Variants in RFC2 observed in about 807,000 individuals in gnomAD.
RFC2 encodes replication factor C subunit 2.
In RFC2, 34 loss-of-function variants were observed where a neutral mutation model predicts 44.8. That is an observed-to-expected ratio of 0.76 (90% CI 0.58 to 1.01). The LOEUF (loss-of-function observed/expected upper bound fraction) is 1.01. Among genes scored for constraint, RFC2 ranks in the 50% least tolerant of loss-of-function variants. RFC2 has a pLI of 0.00. For synonymous variants in RFC2, 177 were observed against 168.9 expected (o/e 1.05, Z -0.37); for missense variants, 400 against 453.6 (o/e 0.88, Z 1.07).
chr7:74,241,686 G>A (rs112908816), intron 6 of RFC2, among the ~76,000 whole-genome samples: 5 of 152,172 alleles, frequency 3.3e-5, no homozygotes, highest in South Asian at 2.1e-4. Context: ...TGGGCCAGCC[G>A]TGGTGGCTCA....
At chr7:74,240,122 G>A (rs1303050507) in intron 6 of RFC2, 27 bp from the exon 7 acceptor site, 4 of 1,604,938 alleles carry the variant, frequency 2.5e-6, no homozygotes, top group Non-Finnish European at 3.4e-6. Context: ...CAGTAGTGAG[G>A]CTTCCCTGCA....
intron 1 of RFC2, 86 bp downstream of exon 1, chr7:74,254,185 G>T: frequency 9.9e-7 from 1 of 1,005,786 alleles, no homozygotes; most frequent in Non-Finnish European, 1.5e-6. Context: ...ACGAGCCCCT[G>T]ACCCCCGAGT....
intron 7 of RFC2, among the ~76,000 whole-genome samples, chr7:74,239,339 C>CT (rs1209649654): frequency 9.7e-5 from 14 of 145,038 alleles, no homozygotes; most frequent in Admixed American, 2.8e-4. Context: ...CCATGCCCAG[C>CT]TTTTTTTTTT....
Position 74,246,840 on chromosome 7 carries a change from G to A in RFC2, c.333-77C>T, listed in dbSNP as rs139217366. On this transcript the variant is annotated intron_variant, in intron 4 of 10. Transcript: ENST00000055077. ...CTTCACAAGGACTTTTAAACAATCG[G>A]TATATCAGGGACTGTGAGGCCCAAT... 407 of 933,738 alleles carry A rather than the reference G, an allele frequency of 4.4e-4. 2 individuals carry two copies. In the African/African-American group the frequency reaches 6.2e-3, roughly 14 times the overall value. 57.8% of individuals were successfully genotyped at this position (933,738 alleles called of 1,614,324 possible).
At chr7:74,246,957 G>T (rs1026055661) in intron 4 of RFC2, among the ~76,000 whole-genome samples, 194 bp from the exon 5 acceptor site, 2 of 150,324 alleles carry the variant, frequency 1.3e-5, no homozygotes, top group Non-Finnish European at 3.0e-5. Flanking sequence ...GTCTTTCAAA[G>T]AACAAAGAAA....
chr7:74,244,076 C>T (rs930738440), intron 5 of RFC2, among the ~76,000 whole-genome samples: 1 of 137,248 alleles, frequency 7.3e-6, no homozygotes, highest in Non-Finnish European at 1.5e-5. Flanking sequence ...CACAGCAAAA[C>T]GTCAACTCTA....
In RFC2 at chr7:74,235,383, C is replaced by T. The variant is rs566712308; in HGVS notation, c.954+149G>A. ...TTTTAGTAGACAGAGGCTTTCACTA[C>T]GTTGGCCAGGCTGGTCTCGAACTCC... is the stretch of plus-strand genomic sequence containing the variant. On this transcript the variant is annotated intron_variant, in intron 10 of 10. Transcript: ENST00000055077. 48 of 623,310 alleles carry T rather than the reference C, an allele frequency of 7.7e-5. No homozygotes were observed. In the Admixed American group the frequency reaches 7.9e-4, roughly 10 times the overall value. The allele number at this position is 623,310 out of a possible 1,614,324, so 38.6% of individuals were successfully genotyped here.
rs1554718176 is a variant in RFC2, at chr7:74,235,619, G to A, written c.867C>T (p.Gly289=). 1 of 1,612,538 alleles carries A rather than the reference G, an allele frequency of 6.2e-7. No individual in the cohort carries two copies. Among genetic ancestry groups the A allele is most frequent in the African/African-American group, 1.3e-5 (1 of 74,906 alleles). The change falls in exon 10 of 11, where the codon GGC becomes GGT. Residue 289 remains glycine, a synonymous_variant. Transcript: ENST00000055077. ...TGCCAATGATATCTTCTGGTGAGTA[G>A]CCCAGATGCCACAAGTGAGCAAGAA... ...YKILAHLWHL[G]YSPEDIIGNI... is the part of the protein sequence containing the mutation.
At position 74,249,723 on chromosome 7, in the gene RFC2, A is replaced by AG; in HGVS notation, c.225+15dup. The AG allele has an allele frequency of 6.2e-7, 1 of 1,610,530 alleles. No individual in the cohort carries two copies. The highest frequency in any genetic ancestry group is 8.5e-7 in the Non-Finnish European group (1 of 1,176,780). On this transcript the variant is annotated intron_variant, in intron 3 of 10. Coordinates refer to ENST00000055077, the MANE Select transcript of RFC2 (RefSeq NM_181471.3). ...AGACATGGAGACACTCAACAGGCCC[A>AG]GGGCTGGGTACTCACCGCAATGATG...
intron 4 of RFC2, among the ~76,000 whole-genome samples, chr7:74,247,653 G>C: frequency 6.6e-6 from 1 of 152,148 alleles, no homozygotes; most frequent in East Asian, 1.9e-4. Flanking sequence ...AAAAAAGAAA[G>C]AAAGAAAAGA....
At chr7:74,249,236 A>C (rs1803796109) in intron 3 of RFC2, 118 bp from the exon 4 acceptor site, 1 of 1,551,094 alleles carries the variant, frequency 6.4e-7, no homozygotes, top group South Asian at 1.2e-5. Flanking sequence ...TTCCACCCAC[A>C]GCACACACAG....
intron 9 of RFC2, among the ~76,000 whole-genome samples, chr7:74,236,588 TCTC>T (rs2116262491): frequency 6.6e-6 from 1 of 152,138 alleles, no homozygotes; most frequent in East Asian, 1.9e-4. Flanking sequence ...TGCTCCCTCC[TCTC>T]CTGGCTAGCT....
chr7:74,251,460 G>C (rs150348185), intron 2 of RFC2, among the ~76,000 whole-genome samples: 2,504 of 152,212 alleles, frequency 0.016, 82 homozygotes, highest in African/African-American at 0.058. Flanking sequence ...AAGGTGCTGG[G>C]ATTACAGGTG....
At chr7:74,235,328 C>T (rs879946556) in intron 10 of RFC2, among the ~76,000 whole-genome samples, 6 of 152,044 alleles carry the variant, frequency 3.9e-5, no homozygotes, top group Admixed American at 6.6e-5. Flanking sequence ...TGAGCCACCA[C>T]GCCCAGCCAT....
intron 8 of RFC2, among the ~76,000 whole-genome samples, chr7:74,237,795 G>T (rs1803107685): frequency 6.6e-6 from 1 of 152,078 alleles, no homozygotes; most frequent in Non-Finnish European, 1.5e-5. Context: ...TTTAGAACTG[G>T]GAGGTCTTTT....
rs926446177 is a variant in RFC2 at position 74,243,232 on chromosome 7, G to A, written c.449C>T (p.Ala150Val). The change falls in exon 6 of 11, where the codon GCC becomes GTC. Residue 150 changes from alanine to valine, a missense_variant. Physicochemically the swap from Ala to Val is moderately conservative, Grantham distance 64 (BLOSUM62 0). Transcript: ENST00000055077. ...CATGGTTCTCCTCAAGGCTTGCTGG[G>A]CTCCGTCGGTCATGCTGAGAAGAAA... ...LDEADSMTDG[A>V]QQALRRTMEI... 6.2e-6 allele frequency: 10 copies of A among 1,612,884 alleles called. No individual in the cohort carries two copies. The highest frequency in any genetic ancestry group is 1.7e-5 in the Admixed American group (1 of 59,948).
intron 9 of RFC2, 52 bp from the exon 10 acceptor site, chr7:74,235,697 C>T (rs1554718207): frequency 4.7e-6 from 6 of 1,286,302 alleles, no homozygotes; most frequent in Middle Eastern, 1.8e-4. Flanking sequence ...TGTAAGAAGA[C>T]ATGTGATTTT....
intron 6 of RFC2, among the ~76,000 whole-genome samples, chr7:74,241,092 G>A (rs1391843155): frequency 5.3e-5 from 8 of 151,852 alleles, no homozygotes; most frequent in Admixed American, 2.0e-4. Context: ...TATCACACCC[G>A]GCTAATTTTT....
rs781899980 is a variant in RFC2, at chr7:74,232,205, G to A, written c.966C>T (p.Tyr322=). 7.5e-6 allele frequency: 12 copies of A among 1,603,596 alleles called. No individual in the cohort carries two copies. The highest frequency in any genetic ancestry group is 1.7e-5 in the Admixed American group (1 of 59,880). The part of the protein sequence containing the change: ...LKLEFIKEIG[Y]THMKIAEGVN... The stretch of plus-strand genomic sequence containing the variant: ...CTCCTTCCGCTATTTTCATGTGAGT[G>A]TATCCAATTTCCTGAAAAACAAACC... The change falls in exon 11 of 11, where the codon TAC becomes TAT. Residue 322 remains tyrosine, a synonymous_variant. Transcript: ENST00000055077.
Sources: allele counts gnomAD v4.1 joint callset (sites outside exome capture counted in the v4.1 genomes callset), GRCh38; gene constraint gnomAD v4.1.1; transcripts MANE v1.5; gene names NCBI Gene and HGNC (gene_info 2026-07-23, HGNC 2026-07-21).